MYH2: variants seen among roughly 807,000 people sequenced by gnomAD.
MYH2 encodes myosin heavy chain 2.
In MYH2, 139 loss-of-function variants were observed where a neutral mutation model predicts 228.1. The ratio of observed to expected loss-of-function variants is 0.61; its 90% CI spans 0.53 to 0.70. MYH2 has a LOEUF of 0.70. MYH2 is among the 30% of genes least tolerant of loss of function. The pLI is 0.00. For missense variants in MYH2, 1,809 were observed against 2,357.5 expected, an observed-to-expected ratio of 0.77 and a Z score of 4.82; for synonymous variants, 796 against 871.1, an observed-to-expected ratio of 0.91 and a Z score of 1.52.
intron 21 of MYH2, among the ~76,000 whole-genome samples, chr17:10,532,765 C>T (rs914223013): frequency 9.2e-5 from 14 of 152,154 alleles, no homozygotes; most frequent in African/African-American, 3.1e-4. Flanking sequence ...TCTGTCCTTG[C>T]ATCAAATTAG....
At chr17:10,522,105 G>T (rs897023056) in intron 39 of MYH2, among the ~76,000 whole-genome samples, 1 of 152,132 alleles carries the variant, frequency 6.6e-6, no homozygotes, top group Non-Finnish European at 1.5e-5. Flanking sequence ...TGGTATGAGG[G>T]TTATGTGAGC....
At chr17:10,526,431 G>T (rs892003836) in intron 30 of MYH2, among the ~76,000 whole-genome samples, 168 bp downstream of exon 30, 1 of 152,172 alleles carries the variant, frequency 6.6e-6, no homozygotes, top group Non-Finnish European at 1.5e-5. Context: ...GTAAGGCAGG[G>T]ACCATATTTG....
Position 10,526,484 on chromosome 17 carries a change from C to T in MYH2, c.4187+115G>A, listed in dbSNP as rs1041691484. Reference sequence around the variant, plus strand: ...TCTCAGGGCCTGATTGTGACTGGCACATAAAAGCAGATTAATGAGCATTTG... The same window carrying T: ...TCTCAGGGCCTGATTGTGACTGGCATATAAAAGCAGATTAATGAGCATTTG... On this transcript the variant is annotated intron_variant, in intron 30 of 39. Transcript: ENST00000245503. 99 of 1,522,858 alleles carry T rather than the reference C, an allele frequency of 6.5e-5. 2 individuals carry two copies. In the South Asian group the frequency reaches 1.1e-3, roughly 17 times the overall value. 94.3% of individuals were successfully genotyped at this position (1,522,858 alleles called of 1,614,324 possible).
At chr17:10,548,331 A>G (rs570399267) in intron 2 of MYH2, among the ~76,000 whole-genome samples, 27 of 152,320 alleles carry the variant, frequency 1.8e-4, no homozygotes, top group African/African-American at 6.5e-4. Context: ...ACAGCCCATG[A>G]TATATGTGAA....
In MYH2 at chr17:10,533,359, C is replaced by G. The variant is rs2073446787; in HGVS notation, c.2367G>C (p.Gln789His). ...LEEMRDDKLA[Q>H]LITRTQARCR... ...ACCTGGCCTGGGTTCGGGTAATCAG[C>G]TGGGCCAGCTTGTCATCTCGCATCT... The change falls in exon 21 of 40, where the codon CAG becomes CAC. Residue 789 changes from glutamine to histidine, a missense_variant. This residue lies in a region of MYH2 where 276 missense variants were observed against 344.2 expected (regional missense o/e 0.80). Transcript: ENST00000245503. The G allele has an allele frequency of 6.2e-7, 1 of 1,614,100 alleles. No homozygotes were observed. Among genetic ancestry groups the G allele is most frequent in the Admixed American group, 1.7e-5 (1 of 60,008 alleles).
chr17:10,532,342 T>C (rs1441338545), intron 21 of MYH2, among the ~76,000 whole-genome samples: 2 of 152,058 alleles, frequency 1.3e-5, no homozygotes, highest in Non-Finnish European at 2.9e-5. Flanking sequence ...TCTTTAGGGG[T>C]ATATGGGGCA....
intron 21 of MYH2, among the ~76,000 whole-genome samples, chr17:10,532,534 T>G (rs2073437290): frequency 1.3e-5 from 2 of 152,188 alleles, no homozygotes; most frequent in South Asian, 4.1e-4. Flanking sequence ...TGACCAAAAT[T>G]TATTATTTTT....
intron 4 of MYH2, among the ~76,000 whole-genome samples, chr17:10,545,754 G>A (rs941105429): frequency 6.6e-6 from 1 of 152,078 alleles, no homozygotes; most frequent in East Asian, 1.9e-4. Flanking sequence ...TTTTTGTAGA[G>A]CTAAAGTCTC....
rs770762920 is a variant in MYH2, at chr17:10,543,783, G to T, written c.669C>A (p.Ile223=). 3 of 1,614,184 alleles carry T rather than the reference G, an allele frequency of 1.9e-6. No homozygotes were observed. Among genetic ancestry groups the T allele is most frequent in the Non-Finnish European group, 2.5e-6 (3 of 1,180,022 alleles). Residue 223 remains isoleucine, a synonymous_variant, in exon 8 of 40, where the codon ATC becomes ATA. Coordinates refer to ENST00000245503, the MANE Select transcript of MYH2 (RefSeq NM_017534.6). The part of the protein sequence containing the change: ...GKIQGTLEDQ[I]ISANPLLEAF... Reference sequence around the variant, plus strand: ...CCTCCAGTAGGGGGTTGGCACTGATGATTTGATCTTCCAGAGTCCCCTGCA... The same window carrying T: ...CCTCCAGTAGGGGGTTGGCACTGATTATTTGATCTTCCAGAGTCCCCTGCA...
rs778350338 is a variant in MYH2, at chr17:10,523,582, C to G, written c.5386G>C (p.Val1796Leu). The change falls in exon 37 of 40, where the codon GTG (valine) becomes CTG (leucine). Residue 1796 changes from valine to leucine, a missense_variant. Coordinates refer to ENST00000245503, the MANE Select transcript of MYH2 (RefSeq NM_017534.6). Reference sequence around the variant, plus strand: ...TCCAGACGGAGCTGCAGATCCTTCACGGTCTGCTCCATGTTCTTCTTCATC... The same window carrying G: ...TCCAGACGGAGCTGCAGATCCTTCAGGGTCTGCTCCATGTTCTTCTTCATC... ...ERMKKNMEQT[V>L]KDLQLRLDEA... The G allele has an allele frequency of 6.2e-7, 1 of 1,614,230 alleles. No individual in the cohort carries two copies. Among genetic ancestry groups the G allele is most frequent in the Non-Finnish European group, 8.5e-7 (1 of 1,180,046 alleles).
At chr17:10,543,556 T>C (rs1321743200) in intron 8 of MYH2, among the ~76,000 whole-genome samples, 155 bp downstream of exon 8, 2 of 152,124 alleles carry the variant, frequency 1.3e-5, no homozygotes, top group Non-Finnish European at 2.9e-5. Flanking sequence ...TCCTTCAAGA[T>C]GGGGCTTTGA....
chr17:10,528,957 G>T lies in MYH2; in HGVS notation c.3477C>A (p.Ala1159=), dbSNP rs193162376. 1 of 1,613,994 alleles carries T rather than the reference G, an allele frequency of 6.2e-7. No homozygotes were observed. The highest frequency in any genetic ancestry group is 1.3e-5 in the African/African-American group (1 of 74,920). ...CAATCTGGGCTGAAGTGGCCCCACCGGCTTCTTCCAGCCTCTCGCTGATCT... is the reference window on the plus strand; with the variant it reads ...CAATCTGGGCTGAAGTGGCCCCACCTGCTTCTTCCAGCCTCTCGCTGATCT... The part of the protein sequence containing the change: ...LEEISERLEE[A]GGATSAQIEM... Residue 1159 remains alanine (A), a synonymous_variant, in exon 27 of 40, where the codon GCC becomes GCA. Coordinates refer to ENST00000245503, the MANE Select transcript of MYH2 (RefSeq NM_017534.6).
chr17:10,536,499 T>G, intron 17 of MYH2, 31 bp downstream of exon 17: 1 of 1,592,496 alleles, frequency 6.3e-7, no homozygotes, highest in South Asian at 1.1e-5. Flanking sequence ...CCAAAGTAAT[T>G]GGAGAATGTC....
At chr17:10,526,860 C>A (rs145184841) in intron 29 of MYH2, 65 bp from the exon 30 acceptor site, 1 of 1,613,404 alleles carries the variant, frequency 6.2e-7, no homozygotes, top group Admixed American at 1.7e-5. Flanking sequence ...ACTTTCAAAA[C>A]CTTTTGAAAG....
chr17:10,539,797 T>A, intron 12 of MYH2, 131 bp downstream of exon 12: 1 of 1,357,230 alleles, frequency 7.4e-7, no homozygotes, highest in Non-Finnish European at 1.0e-6. Flanking sequence ...TGCACATTAT[T>A]TAGGTATACA....
At chr17:10,547,985 G>T in intron 2 of MYH2, 45 bp from the exon 3 acceptor site, 3 of 1,489,738 alleles carry the variant, frequency 2.0e-6, no homozygotes, top group Non-Finnish European at 2.8e-6. Flanking sequence ...GGATTGCCAT[G>T]TATACCAATA....
rs2073327822 is a variant in MYH2 at position 10,524,699 on chromosome 17, T to G, written c.4972-30A>C. On this transcript the variant is annotated intron_variant, in intron 34 of 39. Coordinates refer to ENST00000245503, the MANE Select transcript of MYH2 (RefSeq NM_017534.6). This position sits in a 1 kb window ranked among gnomAD's most constrained non-coding sequence, Gnocchi z 4.7. The stretch of plus-strand genomic sequence containing the variant: ...GAAACAAACCATCATTGAGACATCA[T>G]GTTCTCAGGGTTGCAGGCACCCCAA... 1 of 1,614,114 alleles carries G rather than the reference T, an allele frequency of 6.2e-7. No individual in the cohort carries two copies. Among genetic ancestry groups the G allele is most frequent in the Non-Finnish European group, 8.5e-7 (1 of 1,180,056 alleles).
At position 10,525,369 on chromosome 17, in the gene MYH2, A is replaced by T. The variant is rs1335123968; in HGVS notation, c.4538-21T>A. ...CTCCTCTGTTGTTTGAGTAAAAGACAGGTAGGGATTTGGTTAAACATGTGA... is the reference window on the plus strand; with the variant it reads ...CTCCTCTGTTGTTTGAGTAAAAGACTGGTAGGGATTTGGTTAAACATGTGA... On this transcript the variant is annotated intron_variant, in intron 32 of 39. Coordinates refer to ENST00000245503, the MANE Select transcript of MYH2 (RefSeq NM_017534.6). This position sits in a 1 kb window ranked among gnomAD's most constrained non-coding sequence, Gnocchi z 4.2. 1 of 1,614,144 alleles carries T rather than the reference A, an allele frequency of 6.2e-7. No homozygotes were observed. Among genetic ancestry groups the T allele is most frequent in the Non-Finnish European group, 8.5e-7 (1 of 1,180,008 alleles).
chr17:10,547,295 C>T (rs772524551), intron 4 of MYH2, among the ~76,000 whole-genome samples, 180 bp downstream of exon 4: 2 of 152,102 alleles, frequency 1.3e-5, no homozygotes, highest in Non-Finnish European at 2.9e-5. Flanking sequence ...GATGGGAAAA[C>T]AAGGAAGTGC....
Sources: allele counts gnomAD v4.1 joint callset (sites outside exome capture counted in the v4.1 genomes callset), GRCh38; gene constraint gnomAD v4.1.1; regional missense constraint gnomAD v4.1.1; non-coding constraint Gnocchi (gnomAD v3.1); transcripts MANE v1.5; gene names NCBI Gene and HGNC (gene_info 2026-07-23, HGNC 2026-07-21).